Variants in PRAM1 observed in about 807,000 individuals in gnomAD.
PRAM1 encodes the protein PML-RARA-regulated adapter molecule 1.
PRAM1 carries 41 observed loss-of-function variants against 55.3 expected under a neutral mutation model. The observed-to-expected ratio is 0.74, with a 90% CI of 0.58 to 0.96. The LOEUF (loss-of-function observed/expected upper bound fraction) is 0.96, where lower values mean the gene tolerates loss of function less well. PRAM1 is among the 40% of genes least tolerant of loss of function. The pLI is 0.00. For missense variants in PRAM1, 898 were observed against 892.7 expected, an observed-to-expected ratio of 1.01 and a Z score of -0.08; for synonymous variants, 401 against 387.1, an observed-to-expected ratio of 1.04 and a Z score of -0.42.
At chr19:8,496,304 C>T (rs567480836) in intron 4 of PRAM1, among the ~76,000 whole-genome samples, 2 of 152,204 alleles carry the variant, frequency 1.3e-5, no homozygotes, top group East Asian at 3.9e-4. Context: ...ATCCCAGCTA[C>T]TTGGGAGGCT....
Position 8,498,847 on chromosome 19 carries a change from G to C in PRAM1, c.961C>G (p.Pro321Ala). The C allele has an allele frequency of 6.2e-7, 1 of 1,606,992 alleles. No individual in the cohort carries two copies. Residue 321 changes from proline to alanine, a missense_variant, in exon 2 of 10, where the codon CCC (proline) becomes GCC (alanine). By Grantham distance (27) the Pro-to-Ala change is conservative. Coordinates refer to ENST00000423345, the MANE Select transcript of PRAM1 (RefSeq NM_032152.5). Reference protein sequence around the residue: ...PAEFKALSKKPPQPELGGLPR... With the variant: ...PAEFKALSKKAPQPELGGLPR... Reference sequence around the variant, plus strand: ...AGGCCGCCCAGCTCGGGCTGCGGGGGCTTCTTGGAGAGCGCTTTGAATTCG... The same window carrying C: ...AGGCCGCCCAGCTCGGGCTGCGGGGCCTTCTTGGAGAGCGCTTTGAATTCG...
intron 4 of PRAM1, among the ~76,000 whole-genome samples, chr19:8,492,887 C>T (rs1446355681): frequency 6.6e-6 from 1 of 152,112 alleles, no homozygotes; most frequent in Non-Finnish European, 1.5e-5. Context: ...ATGCCAGCTA[C>T]TCAGGAGGCT....
At chr19:8,497,707 C>A in intron 4 of PRAM1, 57 bp downstream of exon 4, 1 of 1,433,520 alleles carries the variant, frequency 7.0e-7, no homozygotes, top group Non-Finnish European at 9.7e-7. Flanking sequence ...AGGAGCATGG[C>A]AGAAAATGGC....
At chr19:8,492,418 A>C (rs1051555240) in intron 4 of PRAM1, among the ~76,000 whole-genome samples, 6 of 145,600 alleles carry the variant, frequency 4.1e-5, no homozygotes, top group Non-Finnish European at 7.5e-5. Flanking sequence ...TGCCACACCC[A>C]GCTGATTTTT....
At position 8,499,748 on chromosome 19, in the gene PRAM1, T is replaced by A. The variant is rs1568318370; in HGVS notation, c.60A>T (p.Ala20=). The part of the protein sequence containing the change: ...ESHQDFRSIK[A]KFQASQPEPS... ...GCTCCGGCTGAGAGGCCTGGAACTT[T>A]GCTTTGATGCTCCGGAAGTCCTGAT... Residue 20 remains alanine (A), a synonymous_variant, in exon 2 of 10, where the codon GCA becomes GCT. Coordinates refer to ENST00000423345, the MANE Select transcript of PRAM1 (RefSeq NM_032152.5). The A allele has an allele frequency of 6.2e-7, 1 of 1,611,500 alleles. No homozygotes were observed. The highest frequency in any genetic ancestry group is 1.7e-5 in the Admixed American group (1 of 59,330).
rs778382260 is a variant in PRAM1 at position 8,490,691 on chromosome 19, C to T, written c.1809G>A (p.Gly603=). 6.2e-7 allele frequency: 1 copy of T among 1,606,984 alleles called. No homozygotes were observed. Among genetic ancestry groups the T allele is most frequent in the Admixed American group, 1.7e-5 (1 of 58,610 alleles). Residue 603 remains glycine, a synonymous_variant, in exon 7 of 10, where the codon GGG becomes GGA. Transcript: ENST00000423345. This position sits in a 1 kb window ranked among gnomAD's most constrained non-coding sequence, Gnocchi z 7.3. ...GCCGGATCCCGAGGTGCTTGCCACC[C>T]CCGCGACGTGTCTTAGCGTTGGGGT... ...MIDPNAKTRR[G]GGKHLGIRRG...
intron 1 of PRAM1, among the ~76,000 whole-genome samples, chr19:8,500,356 T>A (rs1971789848): frequency 6.6e-6 from 1 of 151,458 alleles, no homozygotes; most frequent in Non-Finnish European, 1.5e-5. Flanking sequence ...CCCCAGGAGG[T>A]AGTGGGAGGC....
chr19:8,495,202 C>T (rs1971681990), intron 4 of PRAM1, among the ~76,000 whole-genome samples: 1 of 152,038 alleles, frequency 6.6e-6, no homozygotes, highest in Non-Finnish European at 1.5e-5. Context: ...CAGGTTCACG[C>T]GATTCTCCTG....
chr19:8,493,280 A>C lies in PRAM1; in HGVS notation c.1577-2123T>G, dbSNP rs1201397776. Among the ~76,000 whole-genome samples, 1 of 152,188 alleles carries C rather than the reference A, an allele frequency of 6.6e-6. No individual in the cohort carries two copies. The highest frequency in any genetic ancestry group is 1.5e-5 in the Non-Finnish European group (1 of 68,028). On this transcript the variant is annotated intron_variant, in intron 4 of 9. Transcript: ENST00000423345. The surrounding 1 kb of genome is among the most constrained non-coding windows in gnomAD (Gnocchi z 4.1). ...ATCCCGCCGGACATTTCAGGCCTGT[A>C]GTCCCTCCAAGCAGCCCAAGGAGCA...
intron 4 of PRAM1, chr19:8,491,609 C>T: frequency 5.0e-6 from 1 of 201,240 alleles, no homozygotes. Flanking sequence ...CCCTCCCAAA[C>T]CTCTCCCTGC....
rs566050083 is a variant in PRAM1 at position 8,490,231 on chromosome 19, C to T, written c.1976-5G>A. On this transcript the variant is annotated splice_polypyrimidine_tract_variant and splice_region_variant and intron_variant, in intron 9 of 9. Transcript: ENST00000423345. This position sits in a 1 kb window ranked among gnomAD's most constrained non-coding sequence, Gnocchi z 7.3. ...GTGGTTGGTTTTCCAGGGGATCTGCCGAGGAAGCGTGACTTCCATGGACCC... is the reference window on the plus strand; with the variant it reads ...GTGGTTGGTTTTCCAGGGGATCTGCTGAGGAAGCGTGACTTCCATGGACCC... 75 of 1,605,472 alleles carry T rather than the reference C, an allele frequency of 4.7e-5. No homozygotes were observed. Among genetic ancestry groups the T allele is most frequent in the Non-Finnish European group, 6.1e-5 (72 of 1,175,164 alleles).
At chr19:8,491,041 C>T (rs1971620378) in intron 5 of PRAM1, 46 bp from the exon 6 acceptor site, 1 of 1,612,472 alleles carries the variant, frequency 6.2e-7, no homozygotes, top group Non-Finnish European at 8.5e-7. Context: ...GCAAGTTGTG[C>T]TCCTCTGGGG....
chr19:8,493,742 G>C lies in PRAM1; in HGVS notation c.1577-2585C>G, dbSNP rs887609719. ...CTGCCTTTGAGAAGCTGCACCCACAGTGAGAAGCCCACGCCACTCCTGAGA... is the reference window on the plus strand; with the variant it reads ...CTGCCTTTGAGAAGCTGCACCCACACTGAGAAGCCCACGCCACTCCTGAGA... On this transcript the variant is annotated intron_variant, in intron 4 of 9. Transcript: ENST00000423345. The surrounding 1 kb of genome is among the most constrained non-coding windows in gnomAD (Gnocchi z 4.1). Among the ~76,000 whole-genome samples the C allele has an allele frequency of 1.3e-5, 2 of 152,200 alleles. No homozygotes were observed. The highest frequency in any genetic ancestry group is 2.9e-5 in the Non-Finnish European group (2 of 68,038).
rs766664322 is a variant in PRAM1 at position 8,499,240 on chromosome 19, T to C, written c.568A>G (p.Arg190Gly). 25 of 1,612,140 alleles carry C rather than the reference T, an allele frequency of 1.6e-5. No homozygotes were observed. The highest frequency in any genetic ancestry group is 3.3e-4 in the Middle Eastern group (2 of 6,076). ...PSEPKSGAFP[R>G]KLWQPEAGEA... ...CCGGCCTCGGGTTGCCAGAGCTTCCTGGGGAATGCGCCGGATTTGGGTTCG... is the reference window on the plus strand; with the variant it reads ...CCGGCCTCGGGTTGCCAGAGCTTCCCGGGGAATGCGCCGGATTTGGGTTCG... Residue 190 changes from arginine to glycine, a missense_variant, in exon 2 of 10, where the codon AGG becomes GGG. Transcript: ENST00000423345.
At position 8,500,496 on chromosome 19, in the gene PRAM1, CTGTT is replaced by C. The variant is rs779601129; in HGVS notation, c.28-720_28-717del. Among the ~76,000 whole-genome samples the C allele has an allele frequency of 4.6e-5, 7 of 152,274 alleles. No individual in the cohort carries two copies. In the East Asian group the frequency reaches 7.7e-4, roughly 17 times the overall value. On this transcript the variant is annotated intron_variant, in intron 1 of 9. Transcript: ENST00000423345. ...GGGAGAAGCCTGTTGAACCCTGAGT[CTGTT>C]TGTGTCCCTCTGCTCAAAACTCGGC...
At position 8,499,345 on chromosome 19, in the gene PRAM1, C is replaced by G. The variant is rs1407374604; in HGVS notation, c.463G>C (p.Ala155Pro). ...GGCGCACCAGGCTCCGGCAGCGAGG[C>G]CTTCAAAGGGGCCTCACCGACCTCA... ...QPEVGEAPLK[A>P]SLPEPGAPAR... is the part of the protein sequence containing the mutation. Residue 155 changes from alanine to proline, a missense_variant, in exon 2 of 10, where the codon GCC becomes CCC. By Grantham distance (27) the Ala-to-Pro change is conservative (BLOSUM62 -1). Transcript: ENST00000423345. The G allele has an allele frequency of 3.7e-6, 6 of 1,610,656 alleles. No individual in the cohort carries two copies. Among genetic ancestry groups the G allele is most frequent in the African/African-American group, 1.3e-5 (1 of 74,396 alleles).
In PRAM1 at chr19:8,502,640, T is replaced by A; in HGVS notation, c.-49A>T. On this transcript the variant is annotated 5_prime_UTR_variant, in exon 1 of 10. Coordinates refer to ENST00000423345, the MANE Select transcript of PRAM1 (RefSeq NM_032152.5). ...GGCCGCTGCCTTCAGGAAGTGACTGTGGCTTCTGCTCCACGGTCAGCACAC... is the reference window on the plus strand; with the variant it reads ...GGCCGCTGCCTTCAGGAAGTGACTGAGGCTTCTGCTCCACGGTCAGCACAC... 1 of 1,518,802 alleles carries A rather than the reference T, an allele frequency of 6.6e-7. No individual in the cohort carries two copies. 94.1% of individuals were successfully genotyped at this position (1,518,802 alleles called of 1,614,324 possible).
In PRAM1 at chr19:8,493,262, C is replaced by T. The variant is rs1008265675; in HGVS notation, c.1577-2105G>A. ...TTCCGAATGGCTCAAAGTATCCCGCCGGACATTTCAGGCCTGTAGTCCCTC... is the reference window on the plus strand; with the variant it reads ...TTCCGAATGGCTCAAAGTATCCCGCTGGACATTTCAGGCCTGTAGTCCCTC... On this transcript the variant is annotated intron_variant, in intron 4 of 9. Coordinates refer to ENST00000423345, the MANE Select transcript of PRAM1 (RefSeq NM_032152.5). This position sits in a 1 kb window ranked among gnomAD's most constrained non-coding sequence, Gnocchi z 4.1. 1.5e-4 allele frequency among the ~76,000 whole-genome samples: 23 copies of T among 152,166 alleles called. No individual in the cohort carries two copies. Among genetic ancestry groups the T allele is most frequent in the African/African-American group, 4.3e-4 (18 of 41,438 alleles).
Position 8,499,052 on chromosome 19 carries a change from A to T in PRAM1, c.756T>A (p.Thr252=), listed in dbSNP as rs1226257700. ...CGCTGGACTGAGGCTTCCAGAGGGGAGTCTGAGCGGCCTCGCTGAACTCAG... is the reference window on the plus strand; with the variant it reads ...CGCTGGACTGAGGCTTCCAGAGGGGTGTCTGAGCGGCCTCGCTGAACTCAG... ...PQPEFSEAAQ[T]PLWKPQSSEP... is the part of the protein sequence containing the mutation. The change falls in exon 2 of 10, where the codon ACT becomes ACA. Residue 252 remains threonine, a synonymous_variant. Transcript: ENST00000423345. The T allele has an allele frequency of 1.2e-6, 2 of 1,612,426 alleles. No individual in the cohort carries two copies. The highest frequency in any genetic ancestry group is 2.2e-5 in the South Asian group (2 of 91,004).
Sources: gnomAD v4.1 joint callset for allele counts (sites outside exome capture counted in the v4.1 genomes callset) on GRCh38, gnomAD v4.1.1 for gene constraint, Gnocchi (gnomAD v3.1) non-coding constraint, MANE v1.5 for transcripts, NCBI Gene and HGNC (gene_info 2026-07-23, HGNC 2026-07-21) for gene names.